PITPNM2: variants seen among roughly 807,000 people sequenced by gnomAD.
PITPNM2 encodes phosphatidylinositol transfer protein membrane associated 2.
Under a neutral mutation model 132.2 loss-of-function variants are expected in PITPNM2, and 35 were observed. The ratio of observed to expected loss-of-function variants is 0.26; its 90% confidence interval spans 0.20 to 0.35. The LOEUF (loss-of-function observed/expected upper bound fraction) is 0.35. Ranked by LOEUF, PITPNM2 falls within the 10% of genes least tolerant of loss-of-function variation. The pLI is 1.00. For missense variants in PITPNM2, 1,332 were observed against 1,912.0 expected (o/e 0.70, Z 5.66); for synonymous variants, 738 against 799.2 (o/e 0.92, Z 1.29).
intron 2 of PITPNM2, among the ~76,000 whole-genome samples, chr12:123,051,088 G>T (rs997107376): frequency 6.6e-6 from 1 of 152,134 alleles, no homozygotes; most frequent in African/African-American, 2.4e-5. Context: ...ATGATTTTGC[G>T]CAATGTCTTC....
chr12:123,041,124 C>T (rs2040457020), intron 2 of PITPNM2, among the ~76,000 whole-genome samples: 1 of 152,178 alleles, frequency 6.6e-6, no homozygotes, highest in African/African-American at 2.4e-5. Context: ...GGGCAAATTG[C>T]TTAATCCTTT....
In PITPNM2 at chr12:122,986,508, G is replaced by A. The variant is rs976759641; in HGVS notation, c.3654C>T (p.Ser1218=). 16 of 1,593,428 alleles carry A rather than the reference G, an allele frequency of 1.0e-5. No homozygotes were observed. Among genetic ancestry groups the A allele is most frequent in the African/African-American group, 2.7e-5 (2 of 74,644 alleles). Residue 1218 remains serine, a synonymous_variant, in exon 25 of 26, where the codon AGC becomes AGT. Coordinates refer to ENST00000320201, the MANE Select transcript of PITPNM2 (RefSeq NM_020845.3). ...YGSTKDVAVY[S]AISLSPMQIY... The stretch of plus-strand genomic sequence containing the variant: ...TCTGCATGGGGGACAGGCTAATGGC[G>A]CTGTACACCGCCACGTCCTTGGTGG...
At chr12:123,057,146 C>T (rs752703198) in intron 2 of PITPNM2, among the ~76,000 whole-genome samples, 1 of 151,978 alleles carries the variant, frequency 6.6e-6, no homozygotes, top group African/African-American at 2.4e-5. Flanking sequence ...TTTGAGAGGC[C>T]GAGGCGGGTG....
At chr12:123,062,174 A>T (rs2136783596) in intron 2 of PITPNM2, among the ~76,000 whole-genome samples, 1 of 151,528 alleles carries the variant, frequency 6.6e-6, no homozygotes, top group South Asian at 2.1e-4. Context: ...GAGTCCCCAG[A>T]CTCCCTCCCA....
chr12:123,090,520 C>A (rs1274413271), intron 2 of PITPNM2: 1 of 152,080 alleles, frequency 6.6e-6, no homozygotes, highest in Non-Finnish European at 1.5e-5. Context: ...TGCCAACACA[C>A]CTGGCTAAAT....
intron 2 of PITPNM2, among the ~76,000 whole-genome samples, chr12:123,072,222 TC>T (rs1395872072): frequency 2.0e-5 from 3 of 152,138 alleles, no homozygotes; most frequent in Non-Finnish European, 4.4e-5. Context: ...CCTGAGGGCA[TC>T]CATCGCTAAC....
chr12:123,125,571 G>A (rs530271194), intron 1 of PITPNM2, among the ~76,000 whole-genome samples: 24 of 152,066 alleles, frequency 1.6e-4, no homozygotes, highest in South Asian at 4.1e-4. Flanking sequence ...CAGGCCAGGC[G>A]CTGTGGCTCA....
rs907254481 is a variant in PITPNM2, at chr12:123,108,112, C to T, written c.-96+2273G>A. Among the ~76,000 whole-genome samples the T allele has an allele frequency of 5.3e-5, 8 of 152,176 alleles. No individual in the cohort carries two copies. The highest frequency in any genetic ancestry group is 9.7e-5 in the African/African-American group (4 of 41,438). ...GCATAAGCAAAGCGCAGAGAATGTA[C>T]CAGCATATAAACTAGACGCGGGCAG... On this transcript the variant is annotated intron_variant, in intron 2 of 25. Coordinates refer to ENST00000320201, the MANE Select transcript of PITPNM2 (RefSeq NM_020845.3). This position sits in a 1 kb window ranked among gnomAD's most constrained non-coding sequence, Gnocchi z 4.4.
Position 123,000,536 on chromosome 12 carries a change from T to C in PITPNM2, c.1224+242A>G, listed in dbSNP as rs900741216. 3.5e-5 allele frequency: 24 copies of C among 692,130 alleles called. No homozygotes were observed. Among genetic ancestry groups the C allele is most frequent in the Admixed American group, 2.1e-4 (10 of 48,524 alleles). 42.9% of individuals were successfully genotyped at this position (692,130 alleles called of 1,614,324 possible). Reference sequence around the variant, plus strand: ...CATGGGTGGAGCTTGGATAAGGCTTTCTCAGGGGTTGTCTGTAGTCCCTGG... The same window carrying C: ...CATGGGTGGAGCTTGGATAAGGCTTCCTCAGGGGTTGTCTGTAGTCCCTGG... On this transcript the variant is annotated intron_variant, in intron 10 of 25. Transcript: ENST00000320201. This position sits in a 1 kb window ranked among gnomAD's most constrained non-coding sequence, Gnocchi z 5.4.
At chr12:123,014,830 C>T (rs2039361048) in intron 3 of PITPNM2, among the ~76,000 whole-genome samples, 1 of 152,194 alleles carries the variant, frequency 6.6e-6, no homozygotes, top group Non-Finnish European at 1.5e-5. Context: ...AAACAATCTC[C>T]ACCAAAGCCT....
chr12:123,132,836 A>C (rs1282835924), intron 1 of PITPNM2, among the ~76,000 whole-genome samples: 1 of 152,176 alleles, frequency 6.6e-6, no homozygotes, highest in Non-Finnish European at 1.5e-5. Flanking sequence ...GGTTCATTCA[A>C]TACTTGGCAA....
At chr12:123,007,483 C>A (rs572765729) in intron 6 of PITPNM2, 2 of 443,590 alleles carry the variant, frequency 4.5e-6, no homozygotes, top group South Asian at 1.6e-5. Context: ...GCATGCTGAG[C>A]GGGTTTGCAA....
rs2041102060 is a variant in PITPNM2 at position 123,058,069 on chromosome 12, G to C, written c.-95-23384C>G. Among the ~76,000 whole-genome samples, 2 of 152,196 alleles carry C rather than the reference G, an allele frequency of 1.3e-5. No individual in the cohort carries two copies. The highest frequency in any genetic ancestry group is 1.3e-4 in the Admixed American group (2 of 15,282). On this transcript the variant is annotated intron_variant, in intron 2 of 25. Transcript: ENST00000320201. The surrounding 1 kb of genome is among the most constrained non-coding windows in gnomAD (Gnocchi z 4.0). ...AAAACAAACTATGCCTTCATCCCCT[G>C]ACCTTTTACTCTTCAAAGTACTTAC... is the stretch of plus-strand genomic sequence containing the variant.
intron 2 of PITPNM2, among the ~76,000 whole-genome samples, chr12:123,053,155 G>A (rs1487782078): frequency 1.3e-5 from 2 of 152,108 alleles, no homozygotes; most frequent in Non-Finnish European, 2.9e-5. Context: ...AAAGTGCTGG[G>A]ATTACAGGTG....
intron 2 of PITPNM2, among the ~76,000 whole-genome samples, chr12:123,045,868 C>T (rs1462947278): frequency 2.0e-5 from 3 of 152,116 alleles, no homozygotes; most frequent in Non-Finnish European, 2.9e-5. Context: ...GTACCAAAGG[C>T]GCACCAGCCC....
intron 2 of PITPNM2, among the ~76,000 whole-genome samples, chr12:123,104,125 T>C (rs1432877841): frequency 6.6e-6 from 1 of 152,182 alleles, no homozygotes; most frequent in Non-Finnish European, 1.5e-5. Flanking sequence ...GGTATCTCCA[T>C]GTTAATCAGG....
At chr12:123,140,428 T>C (rs2043480543) in intron 1 of PITPNM2, among the ~76,000 whole-genome samples, 1 of 152,064 alleles carries the variant, frequency 6.6e-6, no homozygotes, top group Non-Finnish European at 1.5e-5. Context: ...GCTCCTTCTT[T>C]AATGAGTCAG....
chr12:123,063,608 C>A, intron 2 of PITPNM2, among the ~76,000 whole-genome samples: 1 of 152,182 alleles, frequency 6.6e-6, no homozygotes, highest in East Asian at 1.9e-4. Flanking sequence ...TGTCCTACAC[C>A]AGGGCTCTCT....
intron 3 of PITPNM2, among the ~76,000 whole-genome samples, chr12:123,014,655 T>G (rs2039352972): frequency 6.6e-6 from 1 of 152,136 alleles, no homozygotes; most frequent in Non-Finnish European, 1.5e-5. Context: ...TGAGCTGAGA[T>G]CACGCCTCTG....
Sources: allele counts gnomAD v4.1 joint callset (sites outside exome capture counted in the v4.1 genomes callset), GRCh38; gene constraint gnomAD v4.1.1; non-coding constraint Gnocchi (gnomAD v3.1); transcripts MANE v1.5; gene names NCBI Gene and HGNC (gene_info 2026-07-23, HGNC 2026-07-21).